RBFOX1: variants seen among roughly 807,000 people sequenced by gnomAD.
RBFOX1 encodes the protein RNA binding fox-1 homolog 1, also known as RNA binding protein fox-1 homolog 1.
A neutral mutation model predicts 57.7 loss-of-function variants in RBFOX1; 8 were observed. The ratio of observed to expected loss-of-function variants is 0.14; its 90% CI spans 0.08 to 0.25. The LOEUF (loss-of-function observed/expected upper bound fraction) is 0.25. Ranked by LOEUF, RBFOX1 falls within the 10% of genes least tolerant of loss-of-function variation. The pLI is 1.00. For synonymous variants in RBFOX1, 326 were observed against 222.4 expected, an observed-to-expected ratio of 1.47 and a Z score of -4.15; for missense variants, 611 against 548.5, an observed-to-expected ratio of 1.11 and a Z score of -1.14.
intron 4 of RBFOX1, among the ~76,000 whole-genome samples, chr16:5,974,375 G>A (rs745564397): frequency 1.1e-4 from 17 of 152,122 alleles, no homozygotes; most frequent in Non-Finnish European, 1.9e-4. Flanking sequence ...TTGGGAGGCC[G>A]AGGCGGGTAG....
At chr16:6,788,916 C>G (rs973456716) in intron 3 of RBFOX1, among the ~76,000 whole-genome samples, 2 of 152,264 alleles carry the variant, frequency 1.3e-5, no homozygotes, top group Non-Finnish European at 2.9e-5. Flanking sequence ...CTCAGCGTCC[C>G]CAAGCCAACT....
At chr16:5,554,730 G>T (rs2045604581) in intron 2 of RBFOX1, among the ~76,000 whole-genome samples, 1 of 152,172 alleles carries the variant, frequency 6.6e-6, no homozygotes, top group Non-Finnish European at 1.5e-5. Context: ...ACGTCTCAGG[G>T]ATTATGAATT....
intron 2 of RBFOX1, among the ~76,000 whole-genome samples, chr16:6,381,210 A>G (rs184836397): frequency 6.6e-5 from 10 of 152,320 alleles, no homozygotes; most frequent in African/African-American, 2.4e-4. Context: ...AAGATGTGTA[A>G]GTACAAATTT....
intron 4 of RBFOX1, among the ~76,000 whole-genome samples, chr16:5,905,202 G>A (rs1197411799): frequency 6.6e-6 from 1 of 150,998 alleles, no homozygotes; most frequent in Non-Finnish European, 1.5e-5. Flanking sequence ...CGAGTAGCTG[G>A]GATTATAGGT....
intron 1 of RBFOX1, among the ~76,000 whole-genome samples, chr16:5,393,672 C>T (rs549958495): frequency 2.0e-5 from 3 of 152,062 alleles, no homozygotes; most frequent in African/African-American, 7.2e-5. Flanking sequence ...AGGAGGTGTT[C>T]TGTGTTTTTG....
At chr16:6,034,614 T>G (rs1297955271) in intron 1 of RBFOX1, among the ~76,000 whole-genome samples, 1 of 152,122 alleles carries the variant, frequency 6.6e-6, no homozygotes, top group Non-Finnish European at 1.5e-5. Context: ...TAAACAGTCC[T>G]TAATAGTGTT....
chr16:5,905,757 A>G (rs989018809), intron 4 of RBFOX1, among the ~76,000 whole-genome samples: 3 of 152,006 alleles, frequency 2.0e-5, no homozygotes, highest in African/African-American at 7.2e-5. Context: ...GAAGTACCCA[A>G]CCCTTCAGAT....
intron 3 of RBFOX1, among the ~76,000 whole-genome samples, chr16:5,816,970 A>T (rs1158236280): frequency 6.6e-6 from 1 of 152,110 alleles, no homozygotes; most frequent in African/African-American, 2.4e-5. Flanking sequence ...TTTGGGATCC[A>T]AACAAAAATA....
intron 2 of RBFOX1, among the ~76,000 whole-genome samples, chr16:6,359,191 C>T (rs1407333966): frequency 1.3e-5 from 2 of 152,272 alleles, no homozygotes; most frequent in East Asian, 3.9e-4. Context: ...CTTCCAGGCT[C>T]AAGTGATTCT....
Position 5,840,595 on chromosome 16 carries a change from G to C in RBFOX1, c.319-26708G>C, listed in dbSNP as rs75737200. Among the ~76,000 whole-genome samples the C allele has an allele frequency of 5.0e-3, 763 of 152,314 alleles. 7 individuals carry two copies. The highest frequency in any genetic ancestry group is 0.017 in the African/African-American group (719 of 41,564). On this transcript the variant is annotated intron_variant, in intron 3 of 19. Transcript: ENST00000641259. ...CAAGAAGAGGCTTAAATGGGGGAAG[G>C]AGTTGCTGGGATGAGAGTATGGGCT...
intron 4 of RBFOX1, among the ~76,000 whole-genome samples, chr16:7,235,648 A>G (rs1327615338): frequency 6.6e-6 from 1 of 152,222 alleles, no homozygotes; most frequent in Non-Finnish European, 1.5e-5. Context: ...TGGGATGAAT[A>G]TGATGCCTCC....
At chr16:6,582,066 G>C (rs975956710) in intron 2 of RBFOX1, among the ~76,000 whole-genome samples, 2 of 152,156 alleles carry the variant, frequency 1.3e-5, no homozygotes, top group African/African-American at 4.8e-5. Context: ...GCAAAGACCA[G>C]CTCCCCACCC....
At chr16:6,852,709 G>C (rs2094135091) in intron 3 of RBFOX1, among the ~76,000 whole-genome samples, 1 of 151,530 alleles carries the variant, frequency 6.6e-6, no homozygotes, top group African/African-American at 2.4e-5. Context: ...AAATAGCTGT[G>C]CCAGCGAGGC....
At chr16:7,355,725 C>G (rs946896054) in intron 4 of RBFOX1, among the ~76,000 whole-genome samples, 2 of 152,170 alleles carry the variant, frequency 1.3e-5, no homozygotes, top group Admixed American at 6.5e-5. Flanking sequence ...TTTGCCAATT[C>G]TTACACACAA....
intron 3 of RBFOX1, among the ~76,000 whole-genome samples, chr16:5,637,984 C>T (rs115972958): frequency 0.012 from 1,801 of 152,328 alleles, 41 homozygotes; most frequent in African/African-American, 0.041. Context: ...CTGATGATGT[C>T]GGAAGTCCCC....
chr16:7,405,980 C>G (rs4611483), intron 4 of RBFOX1, among the ~76,000 whole-genome samples: 1,583 of 152,140 alleles, frequency 0.01, 26 homozygotes, highest in African/African-American at 0.036. Context: ...GTAGGTAGAG[C>G]CTGAGATGCT....
intron 2 of RBFOX1, among the ~76,000 whole-genome samples, chr16:5,556,028 C>A (rs983744351): frequency 1.4e-4 from 20 of 138,126 alleles, no homozygotes; most frequent in African/African-American, 5.8e-4. Flanking sequence ...CTCAAAAAAA[C>A]AAACAAACAA....
At chr16:5,504,659 C>A (rs1333740910) in intron 2 of RBFOX1, among the ~76,000 whole-genome samples, 2 of 152,240 alleles carry the variant, frequency 1.3e-5, no homozygotes, top group Non-Finnish European at 2.9e-5. Flanking sequence ...TACTGTCTAC[C>A]ATTTGCTGAG....
chr16:5,781,709 TG>T (rs2054330125), intron 3 of RBFOX1, among the ~76,000 whole-genome samples: 2 of 152,372 alleles, frequency 1.3e-5, no homozygotes, highest in East Asian at 1.9e-4. Context: ...AATTGCCCTG[TG>T]GGCTATATTT....
Sources: allele counts gnomAD v4.1 joint callset (sites outside exome capture counted in the v4.1 genomes callset), GRCh38; gene constraint gnomAD v4.1.1; transcripts MANE v1.5; gene names NCBI Gene and HGNC (gene_info 2026-07-23, HGNC 2026-07-21).